Variants in NPAS3 observed in about 807,000 individuals in gnomAD.
NPAS3 encodes the protein neuronal PAS domain-containing protein 3.
A neutral mutation model predicts 73.1 loss-of-function variants in NPAS3; 14 were observed. The ratio of observed to expected loss-of-function variants is 0.19; its 90% confidence interval spans 0.13 to 0.30. The LOEUF (loss-of-function observed/expected upper bound fraction) is 0.30. Ranked by LOEUF, NPAS3 falls within the 10% of genes least tolerant of loss-of-function variation. The probability of loss-of-function intolerance (pLI) is 1.00; values close to 1 mark genes in which losing one functional copy is unlikely to be tolerated. For missense variants in NPAS3, 1,096 were observed against 1,250.0 expected (o/e 0.88, Z 1.86); for synonymous variants, 620 against 541.5 (o/e 1.14, Z -2.01).
At chr14:33,486,341 T>A (rs149943758) in intron 4 of NPAS3, among the ~76,000 whole-genome samples, 99 of 152,268 alleles carry the variant, frequency 6.5e-4, no homozygotes, top group African/African-American at 2.4e-3. Context: ...CTTCAGCTTT[T>A]CTCAGCCCTG....
intron 3 of NPAS3, among the ~76,000 whole-genome samples, chr14:33,298,735 A>C (rs1344091278): frequency 6.6e-6 from 1 of 152,178 alleles, no homozygotes; most frequent in Non-Finnish European, 1.5e-5. Flanking sequence ...AATTCGTTTA[A>C]TAAAAAAGTG....
intron 3 of NPAS3, among the ~76,000 whole-genome samples, chr14:33,229,638 G>A (rs1438794577): frequency 6.6e-6 from 1 of 152,146 alleles, no homozygotes; most frequent in Non-Finnish European, 1.5e-5. Context: ...GTCATTTCTT[G>A]GGTTGCTAGC....
At chr14:33,105,471 T>C (rs1202018405) in intron 2 of NPAS3, among the ~76,000 whole-genome samples, 1 of 152,170 alleles carries the variant, frequency 6.6e-6, no homozygotes, top group African/African-American at 2.4e-5. Flanking sequence ...AGCATCATTT[T>C]CAGTTCTCAA....
chr14:33,244,639 C>T (rs1000787729), intron 3 of NPAS3, among the ~76,000 whole-genome samples: 3 of 152,126 alleles, frequency 2.0e-5, no homozygotes, highest in African/African-American at 7.2e-5. Flanking sequence ...ACAGGCTAAA[C>T]ATGAGGCTAA....
intron 3 of NPAS3, among the ~76,000 whole-genome samples, chr14:33,340,758 TC>T (rs1484543358): frequency 6.6e-6 from 1 of 152,224 alleles, no homozygotes; most frequent in African/African-American, 2.4e-5. Context: ...GATACAGTTT[TC>T]CTAGATAGTA....
At chr14:33,777,396 A>G (rs2062852420) in intron 8 of NPAS3, among the ~76,000 whole-genome samples, 1 of 152,126 alleles carries the variant, frequency 6.6e-6, no homozygotes, top group Admixed American at 6.5e-5. Flanking sequence ...AATTCACTCG[A>G]TGGGTAATAT....
At chr14:33,332,822 A>G (rs17100669) in intron 3 of NPAS3, among the ~76,000 whole-genome samples, 5,895 of 152,286 alleles carry the variant, frequency 0.039, 384 homozygotes, top group African/African-American at 0.13. Flanking sequence ...CTCCTGAACT[A>G]TGCAGCTTCT....
intron 2 of NPAS3, among the ~76,000 whole-genome samples, chr14:33,198,015 C>A (rs1029356960): frequency 3.3e-5 from 5 of 151,302 alleles, no homozygotes; most frequent in Admixed American, 1.3e-4. Context: ...AGCTGCAGAC[C>A]TTCACGGTGA....
intron 5 of NPAS3, among the ~76,000 whole-genome samples, chr14:33,628,341 G>A (rs1331169468): frequency 3.3e-5 from 5 of 152,182 alleles, no homozygotes; most frequent in Non-Finnish European, 5.9e-5. Flanking sequence ...CAGATATTCA[G>A]TATGCCAGGA....
chr14:33,034,738 A>G (rs1049564134), intron 1 of NPAS3, among the ~76,000 whole-genome samples: 3 of 152,162 alleles, frequency 2.0e-5, no homozygotes, highest in African/African-American at 7.2e-5. Flanking sequence ...TGGAACAGTT[A>G]CAGATTATAG....
chr14:33,579,983 TAC>T (rs1234434021), intron 5 of NPAS3, among the ~76,000 whole-genome samples: 1 of 152,222 alleles, frequency 6.6e-6, no homozygotes, highest in Non-Finnish European at 1.5e-5. Context: ...AATTTGAAGT[TAC>T]ATTTACATTT....
At chr14:33,297,002 C>A (rs1270530848) in intron 3 of NPAS3, among the ~76,000 whole-genome samples, 1 of 152,164 alleles carries the variant, frequency 6.6e-6, no homozygotes, top group Non-Finnish European at 1.5e-5. Flanking sequence ...TCCTTTGATG[C>A]TCAAGAACCC....
intron 5 of NPAS3, among the ~76,000 whole-genome samples, chr14:33,629,381 T>G (rs2140129405): frequency 6.6e-6 from 1 of 152,298 alleles, no homozygotes; most frequent in East Asian, 1.9e-4. Context: ...GAATTGCCCT[T>G]TCACATTAGA....
intron 1 of NPAS3, among the ~76,000 whole-genome samples, chr14:32,984,995 G>C (rs1469239288): frequency 6.6e-6 from 1 of 151,450 alleles, no homozygotes; most frequent in East Asian, 1.9e-4. Context: ...ATTAAGTCCT[G>C]GGTATAATGT....
intron 4 of NPAS3, among the ~76,000 whole-genome samples, chr14:33,486,909 C>A (rs144535746): frequency 6.6e-6 from 1 of 152,146 alleles, no homozygotes; most frequent in Non-Finnish European, 1.5e-5. Flanking sequence ...ATTTTCAAGC[C>A]GCCTTGGCCT....
intron 5 of NPAS3, among the ~76,000 whole-genome samples, chr14:33,609,205 T>C (rs1419081100): frequency 6.6e-6 from 1 of 152,246 alleles, no homozygotes; most frequent in East Asian, 1.9e-4. Flanking sequence ...TTTTCCTCTT[T>C]ATAAAAAATG....
chr14:33,097,146 T>G (rs550020248), intron 2 of NPAS3, among the ~76,000 whole-genome samples: 12 of 151,938 alleles, frequency 7.9e-5, no homozygotes, highest in African/African-American at 2.7e-4. Context: ...GAGAGGCCAA[T>G]GCAGGAGGAT....
At chr14:33,784,751 T>TATTTATTTATTTA (rs199829124) in intron 9 of NPAS3, among the ~76,000 whole-genome samples, 1 of 114,874 alleles carries the variant, frequency 8.7e-6, no homozygotes, top group East Asian at 2.5e-4. Flanking sequence ...ATTTATTTTT[T>TATTTATTTATTTA]TTTTTTTTTT....
rs576419382 is a variant in NPAS3, at chr14:33,224,892, C to T, written c.385+9466C>T. Reference sequence around the variant, plus strand: ...GAAACTGGCTGAAGCATAGATGGGACCTTTCTGTAGTGTCTTTGCATCAGT... The same window carrying T: ...GAAACTGGCTGAAGCATAGATGGGATCTTTCTGTAGTGTCTTTGCATCAGT... On this transcript the variant is annotated intron_variant, in intron 3 of 11. Coordinates refer to ENST00000356141, the Ensembl canonical transcript of NPAS3. Among the ~76,000 whole-genome samples, 3 of 152,174 alleles carry T rather than the reference C, an allele frequency of 2.0e-5. No homozygotes were observed. The East Asian group carries it at 5.8e-4, about 29-fold the overall frequency.
Sources: gnomAD v4.1 joint callset for allele counts (sites outside exome capture counted in the v4.1 genomes callset) on GRCh38, gnomAD v4.1.1 for gene constraint, MANE v1.5 for transcripts, NCBI Gene and HGNC (gene_info 2026-07-23, HGNC 2026-07-21) for gene names.